The following OPCML variants were observed in gnomAD, a reference collection of about 807,000 sequenced individuals.
OPCML encodes opioid binding protein/cell adhesion molecule like.
A neutral mutation model predicts 37.8 loss-of-function variants in OPCML; 13 were observed. That is an observed-to-expected ratio of 0.34 (90% CI 0.22 to 0.55). The LOEUF is 0.55. OPCML is among the 20% of genes least tolerant of loss of function. The pLI, the probability that OPCML is intolerant of heterozygous loss-of-function variation, is 0.91. For missense variants in OPCML, 341 were observed against 435.6 expected, an observed-to-expected ratio of 0.78 and a Z score of 1.93; for synonymous variants, 176 against 168.8, an observed-to-expected ratio of 1.04 and a Z score of -0.33.
At chr11:133,178,855 G>C (rs1937685416) in intron 1 of OPCML, among the ~76,000 whole-genome samples, 1 of 152,130 alleles carries the variant, frequency 6.6e-6, no homozygotes. Flanking sequence ...AGCATGCAGG[G>C]CTTACAGAAA....
At chr11:132,825,116 CT>C (rs1273789886) in intron 2 of OPCML, among the ~76,000 whole-genome samples, 57 of 152,288 alleles carry the variant, frequency 3.7e-4, no homozygotes, top group African/African-American at 1.2e-3. Context: ...TATTATCTGT[CT>C]TCCTTTGTTA....
chr11:133,165,938 G>GTT (rs370412760), intron 1 of OPCML, among the ~76,000 whole-genome samples: 11 of 152,324 alleles, frequency 7.2e-5, no homozygotes, highest in African/African-American at 2.6e-4. Context: ...GGATCCAGCT[G>GTT]TAAGGCCAGC....
chr11:132,494,551 A>C (rs1267144380), intron 4 of OPCML, among the ~76,000 whole-genome samples: 2 of 152,096 alleles, frequency 1.3e-5, no homozygotes, highest in Non-Finnish European at 2.9e-5. Flanking sequence ...ATTCTCTAAA[A>C]AGATGGTTCT....
At chr11:132,538,419 A>G (rs2096346622) in intron 3 of OPCML, among the ~76,000 whole-genome samples, 1 of 152,196 alleles carries the variant, frequency 6.6e-6, no homozygotes, top group Non-Finnish European at 1.5e-5. Context: ...ATAAATGAGA[A>G]GTGACTATTG....
At chr11:132,870,229 C>T (rs774572992) in intron 2 of OPCML, among the ~76,000 whole-genome samples, 1 of 152,126 alleles carries the variant, frequency 6.6e-6, no homozygotes, top group Non-Finnish European at 1.5e-5. Context: ...GGCTCAAGCA[C>T]GTTCTTTCCA....
chr11:132,651,627 C>T (rs893360237), intron 3 of OPCML, among the ~76,000 whole-genome samples: 1 of 152,156 alleles, frequency 6.6e-6, no homozygotes, highest in African/African-American at 2.4e-5. Flanking sequence ...AACGTTTATA[C>T]TTAGTGCACC....
intron 2 of OPCML, among the ~76,000 whole-genome samples, chr11:132,878,901 C>T (rs188787156): frequency 9.9e-5 from 15 of 152,118 alleles, no homozygotes; most frequent in Admixed American, 7.9e-4. Flanking sequence ...AGGATCTGAG[C>T]GTTGAGTACT....
chr11:132,475,489 A>G (rs972933074), intron 4 of OPCML, among the ~76,000 whole-genome samples: 6 of 152,174 alleles, frequency 3.9e-5, no homozygotes, highest in African/African-American at 9.7e-5. Flanking sequence ...TGAGGCCATT[A>G]GGGTGGGCCA....
intron 4 of OPCML, among the ~76,000 whole-genome samples, chr11:132,442,070 C>T (rs1207675392): frequency 6.6e-6 from 1 of 152,150 alleles, no homozygotes; most frequent in African/African-American, 2.4e-5. Context: ...CCAGGATGAG[C>T]GAGGTGTTGT....
At chr11:132,486,811 T>C (rs2096201341) in intron 4 of OPCML, among the ~76,000 whole-genome samples, 1 of 152,178 alleles carries the variant, frequency 6.6e-6, no homozygotes, top group Non-Finnish European at 1.5e-5. Context: ...TTTCAATCAG[T>C]TTAGCAAAGC....
At chr11:132,715,121 T>C (rs532769) in intron 2 of OPCML, among the ~76,000 whole-genome samples, 60,186 of 152,004 alleles carry the variant, frequency 0.4, 12,567 homozygotes, top group Admixed American at 0.52. Flanking sequence ...TGCTCCTCAC[T>C]CTTATTTGAC....
At chr11:132,638,188 C>CAG (rs1156982602) in intron 3 of OPCML, among the ~76,000 whole-genome samples, 16 of 75,364 alleles carry the variant, frequency 2.1e-4, no homozygotes, top group East Asian at 5.1e-4. Context: ...TATATATATA[C>CAG]AGAGAGAGAG....
At chr11:133,222,246 C>T (rs193030308) in intron 1 of OPCML, among the ~76,000 whole-genome samples, 1 of 152,322 alleles carries the variant, frequency 6.6e-6, no homozygotes, top group African/African-American at 2.4e-5. Context: ...CACCCTAAAG[C>T]TGCAGCCATA....
chr11:132,801,468 C>T (rs944253114), intron 2 of OPCML, among the ~76,000 whole-genome samples: 1 of 152,164 alleles, frequency 6.6e-6, no homozygotes, highest in Admixed American at 6.5e-5. Context: ...GCCCTCTCAA[C>T]ATCTCACTAC....
intron 1 of OPCML, among the ~76,000 whole-genome samples, chr11:133,234,263 C>A (rs12573902): frequency 0.14 from 21,018 of 148,220 alleles, 2,228 homozygotes; most frequent in East Asian, 0.53. Context: ...ACAACAACAA[C>A]AAAAAAAAAA....
intron 4 of OPCML, among the ~76,000 whole-genome samples, chr11:132,447,770 A>G (rs1204772909): frequency 1.3e-5 from 2 of 152,244 alleles, no homozygotes; most frequent in East Asian, 1.9e-4. Context: ...GGGCAGGCCC[A>G]ACACTCAACC....
intron 2 of OPCML, among the ~76,000 whole-genome samples, chr11:132,723,181 T>A (rs1416435036): frequency 6.6e-6 from 1 of 152,234 alleles, no homozygotes; most frequent in Non-Finnish European, 1.5e-5. Context: ...TGCCACAGCA[T>A]GCTTTTCATA....
At chr11:133,003,583 G>A (rs1947052263) in intron 1 of OPCML, 1 of 908,876 alleles carries the variant, frequency 1.1e-6, no homozygotes, top group Non-Finnish European at 1.3e-6. Flanking sequence ...CAAGTTCCAG[G>A]AATTAGAAGT....
At chr11:133,241,950 C>A (rs780938309) in intron 1 of OPCML, among the ~76,000 whole-genome samples, 15 of 152,216 alleles carry the variant, frequency 9.9e-5, no homozygotes, top group African/African-American at 1.9e-4. Context: ...TCCCTGGTAT[C>A]CCAGCTAAAA....
Sources: gnomAD v4.1 joint callset for allele counts (sites outside exome capture counted in the v4.1 genomes callset) on GRCh38, gnomAD v4.1.1 for gene constraint, MANE v1.5 for transcripts, NCBI Gene and HGNC (gene_info 2026-07-23, HGNC 2026-07-21) for gene names.